Variants in TMC1 observed in about 807,000 individuals in gnomAD.
TMC1 encodes transmembrane channel like 1.
In TMC1, 84 loss-of-function variants were observed where a neutral mutation model predicts 105.8. The observed-to-expected ratio is 0.79, with a 90% CI of 0.67 to 0.95. The LOEUF (loss-of-function observed/expected upper bound fraction) is 0.95, where lower values mean the gene tolerates loss of function less well. TMC1 is among the 40% of genes least tolerant of loss of function. The probability of loss-of-function intolerance (pLI) is 0.00; values close to 1 mark genes in which losing one functional copy is unlikely to be tolerated. For missense variants in TMC1, 817 were observed against 914.1 expected, an observed-to-expected ratio of 0.89 and a Z score of 1.37; for synonymous variants, 315 against 311.5, an observed-to-expected ratio of 1.01 and a Z score of -0.12.
chr9:72,665,905 G>T (rs1826035609), intron 5 of TMC1, among the ~76,000 whole-genome samples: 1 of 152,170 alleles, frequency 6.6e-6, no homozygotes, highest in Non-Finnish European at 1.5e-5. Context: ...TCTCCATGAA[G>T]AAGAATGACC....
chr9:72,655,446 G>C (rs1404710468), intron 5 of TMC1, among the ~76,000 whole-genome samples: 4 of 151,908 alleles, frequency 2.6e-5, no homozygotes, highest in Non-Finnish European at 5.9e-5. Flanking sequence ...TCCTAACTTT[G>C]TGCCATTATT....
chr9:72,531,885 A>T (rs1209601079), intron 1 of TMC1, among the ~76,000 whole-genome samples: 1 of 152,148 alleles, frequency 6.6e-6, no homozygotes, highest in Non-Finnish European at 1.5e-5. Flanking sequence ...CTGGCAATTC[A>T]TTAGAATCCT....
At chr9:72,610,940 T>A (rs1385583355) in intron 2 of TMC1, among the ~76,000 whole-genome samples, 2 of 152,210 alleles carry the variant, frequency 1.3e-5, no homozygotes, top group Admixed American at 1.3e-4. Context: ...AGAGTGGTGG[T>A]ATCGAGCTAG....
chr9:72,664,841 G>T (rs1381940872), intron 5 of TMC1, among the ~76,000 whole-genome samples: 1 of 152,218 alleles, frequency 6.6e-6, no homozygotes, highest in Non-Finnish European at 1.5e-5. Flanking sequence ...AGGGCACTGA[G>T]CTGGTTAACA....
At chr9:72,822,449 C>T (rs1391415165) in intron 20 of TMC1, among the ~76,000 whole-genome samples, 1 of 150,832 alleles carries the variant, frequency 6.6e-6, no homozygotes, top group Non-Finnish European at 1.5e-5. Flanking sequence ...GCCAGCTGAT[C>T]GAGTTAAACT....
intron 1 of TMC1, among the ~76,000 whole-genome samples, chr9:72,556,926 C>T (rs1178091686): frequency 6.6e-6 from 1 of 152,192 alleles, no homozygotes; most frequent in Non-Finnish European, 1.5e-5. Context: ...TTGGTTGTCA[C>T]ATCTGGGGTT....
chr9:72,603,864 T>TG (rs1824865457), intron 2 of TMC1, among the ~76,000 whole-genome samples: 1 of 144,970 alleles, frequency 6.9e-6, no homozygotes, highest in Admixed American at 7.0e-5. Flanking sequence ...TTTTTTTTTT[T>TG]TTTTTTTTTT....
At chr9:72,754,305 C>T (rs908673797) in intron 11 of TMC1, among the ~76,000 whole-genome samples, 11 of 152,164 alleles carry the variant, frequency 7.2e-5, no homozygotes, top group Admixed American at 3.3e-4. Flanking sequence ...CAAGTGTTCT[C>T]ACGTTGCAGA....
At chr9:72,735,104 T>C (rs1266763037) in intron 8 of TMC1, among the ~76,000 whole-genome samples, 1 of 152,222 alleles carries the variant, frequency 6.6e-6, no homozygotes, top group Non-Finnish European at 1.5e-5. Flanking sequence ...CCAGGTATTA[T>C]TGTCATTAAA....
At chr9:72,540,121 A>G (rs7033406) in intron 1 of TMC1, among the ~76,000 whole-genome samples, 79,686 of 151,980 alleles carry the variant, frequency 0.52, 21,840 homozygotes, top group African/African-American at 0.69. Flanking sequence ...TCATTAATCT[A>G]TTCATGAGGG....
chr9:72,801,674 G>A (rs1828474772), intron 17 of TMC1, among the ~76,000 whole-genome samples: 2 of 152,160 alleles, frequency 1.3e-5, no homozygotes, highest in South Asian at 2.1e-4. Flanking sequence ...AACATCACGT[G>A]TGCAAAGTTT....
intron 17 of TMC1, among the ~76,000 whole-genome samples, chr9:72,804,316 G>T (rs1828531089): frequency 6.6e-6 from 1 of 152,074 alleles, no homozygotes; most frequent in South Asian, 2.1e-4. Context: ...GATAGGTGCA[G>T]CAAACCACCA....
At chr9:72,814,937 TG>T (rs1828759841) in intron 18 of TMC1, among the ~76,000 whole-genome samples, 1 of 140,300 alleles carries the variant, frequency 7.1e-6, no homozygotes. Flanking sequence ...TGTGTGTGTG[TG>T]TGTGTGTGTT....
intron 8 of TMC1, among the ~76,000 whole-genome samples, chr9:72,721,864 C>T (rs563217117): frequency 6.6e-6 from 1 of 152,166 alleles, no homozygotes; most frequent in Non-Finnish European, 1.5e-5. Flanking sequence ...GCACTATAGT[C>T]ATGGAGTTCT....
chr9:72,575,073 T>C (rs1253112333), intron 1 of TMC1, among the ~76,000 whole-genome samples: 1 of 152,236 alleles, frequency 6.6e-6, no homozygotes, highest in African/African-American at 2.4e-5. Flanking sequence ...TGACCACTCT[T>C]TCACCTCCAT....
At chr9:72,756,041 C>G (rs1827671617) in intron 12 of TMC1, among the ~76,000 whole-genome samples, 1 of 152,064 alleles carries the variant, frequency 6.6e-6, no homozygotes, top group African/African-American at 2.4e-5. Context: ...ACATGCAAAC[C>G]TTAAGAAAAG....
chr9:72,677,238 T>C (rs1826217861), intron 5 of TMC1, among the ~76,000 whole-genome samples: 1 of 151,964 alleles, frequency 6.6e-6, no homozygotes, highest in Non-Finnish European at 1.5e-5. Context: ...GTCCTCATTG[T>C]GTAAGTTCCA....
chr9:72,731,589 A>AT (rs935192299), intron 8 of TMC1, among the ~76,000 whole-genome samples: 1 of 152,080 alleles, frequency 6.6e-6, no homozygotes, highest in African/African-American at 2.4e-5. Context: ...TTGTTGAAAC[A>AT]TTTTTCTCAC....
Position 72,732,787 on chromosome 9 carries a change from T to C in TMC1, c.363-7332T>C, listed in dbSNP as rs546526724. 7.9e-5 allele frequency among the ~76,000 whole-genome samples: 12 copies of C among 152,306 alleles called. No homozygotes were observed. The East Asian group carries it at 2.3e-3, about 29-fold the overall frequency. ...ACTAGGTGACCTTGGATACTTATTT[T>C]ACTTAGCGAATCCTCAGTTTCCTTA... is the stretch of plus-strand genomic sequence containing the variant. On this transcript the variant is annotated intron_variant, in intron 8 of 23. Coordinates refer to ENST00000297784, the MANE Select transcript of TMC1 (RefSeq NM_138691.3).
Sources: gnomAD v4.1 joint callset for allele counts (sites outside exome capture counted in the v4.1 genomes callset) on GRCh38, gnomAD v4.1.1 for gene constraint, MANE v1.5 for transcripts, NCBI Gene and HGNC (gene_info 2026-07-23, HGNC 2026-07-21) for gene names.